Variants in HERC4 observed in about 807,000 individuals in gnomAD.
HERC4 encodes the protein HECT and RLD domain containing E3 ubiquitin protein ligase 4.
HERC4 carries 28 observed loss-of-function variants against 124.3 expected under a neutral mutation model. That is an observed-to-expected ratio of 0.23 (90% CI 0.17 to 0.31). HERC4 has a LOEUF of 0.31. HERC4 is among the 10% of genes least tolerant of loss of function. HERC4 has a pLI of 1.00. For synonymous variants in HERC4, 407 were observed against 421.5 expected (o/e 0.97, Z 0.42); for missense variants, 713 against 1,229.3 (o/e 0.58, Z 6.28).
Position 68,022,809 on chromosome 10 carries a change from T to C in HERC4, c.908+2737A>G, listed in dbSNP as rs146533332. On this transcript the variant is annotated intron_variant, in intron 8 of 24. Coordinates refer to ENST00000373700, the MANE Select transcript of HERC4 (RefSeq NM_015601.4). Reference sequence around the variant, plus strand: ...TGATAAGGGATTAGTATCTAGAATATATAGAGAACTCTGAAAACTCAACAA... The same window carrying C: ...TGATAAGGGATTAGTATCTAGAATACATAGAGAACTCTGAAAACTCAACAA... 4.6e-3 allele frequency among the ~76,000 whole-genome samples: 701 copies of C among 151,994 alleles called. 4 individuals are homozygous for C. Among genetic ancestry groups the C allele is most frequent in the African/African-American group, 0.016 (676 of 41,502 alleles).
chr10:68,046,138 A>G (rs777358311), intron 3 of HERC4, among the ~76,000 whole-genome samples: 5 of 152,062 alleles, frequency 3.3e-5, no homozygotes, highest in Admixed American at 6.6e-5. Flanking sequence ...GTTCCAAAAA[A>G]AAAAAAGAAA....
intron 3 of HERC4, among the ~76,000 whole-genome samples, chr10:68,072,181 C>T (rs977324680): frequency 1.3e-5 from 2 of 152,104 alleles, no homozygotes; most frequent in Admixed American, 6.5e-5. Flanking sequence ...CAATGATACT[C>T]CTAAATGTAG....
intron 3 of HERC4, among the ~76,000 whole-genome samples, chr10:68,053,310 C>CT (rs201367135): frequency 0.034 from 4,915 of 143,552 alleles, 372 homozygotes; most frequent in East Asian, 0.31. Context: ...AAGCACTACA[C>CT]TTTTTTTTTT....
intron 24 of HERC4, 120 bp from the exon 25 acceptor site, chr10:67,923,259 T>C: frequency 1.5e-6 from 1 of 667,880 alleles, no homozygotes; most frequent in Non-Finnish European, 2.5e-6. Context: ...ACGTGTTATC[T>C]TACTTCCTAA....
chr10:68,050,008 C>A (rs2040217877), intron 3 of HERC4, among the ~76,000 whole-genome samples: 1 of 152,190 alleles, frequency 6.6e-6, no homozygotes, highest in Non-Finnish European at 1.5e-5. Context: ...GAGTTCAGGA[C>A]CAGCCTGGAC....
intron 15 of HERC4, among the ~76,000 whole-genome samples, chr10:67,970,698 C>G (rs934068811): frequency 1.3e-5 from 2 of 150,996 alleles, no homozygotes; most frequent in African/African-American, 4.9e-5. Flanking sequence ...AGCTAGGAAA[C>G]AGGGGCTTTA....
chr10:68,067,215 G>T (rs1484778939), intron 3 of HERC4: 2 of 152,576 alleles, frequency 1.3e-5, no homozygotes, highest in Non-Finnish European at 2.9e-5. Context: ...CAGATGTAGG[G>T]TCCTACACAA....
intron 16 of HERC4, 68 bp downstream of exon 16, chr10:67,966,615 C>A (rs781463225): frequency 2.7e-6 from 4 of 1,461,292 alleles, no homozygotes; most frequent in Non-Finnish European, 3.7e-6. Flanking sequence ...CAAAACCAAG[C>A]AATTGTTTCT....
chr10:67,995,980 T>C (rs1315137677), intron 9 of HERC4: 1 of 298,826 alleles, frequency 3.3e-6, no homozygotes, highest in African/African-American at 2.3e-5. Flanking sequence ...ATACATACTT[T>C]TGCCACTCTT....
intron 9 of HERC4, among the ~76,000 whole-genome samples, chr10:67,998,147 T>G (rs1447306687): frequency 6.6e-6 from 1 of 151,932 alleles, no homozygotes; most frequent in African/African-American, 2.4e-5. Flanking sequence ...TCCACCTGCC[T>G]CGGCCTCCCA....
chr10:67,973,340 T>C (rs975583193), intron 15 of HERC4, among the ~76,000 whole-genome samples: 7 of 152,174 alleles, frequency 4.6e-5, no homozygotes, highest in African/African-American at 1.4e-4. Context: ...GGATTCAACA[T>C]GCAGTTGGGA....
intron 16 of HERC4, chr10:67,964,749 T>G (rs1314381020): frequency 6.6e-6 from 1 of 152,442 alleles, no homozygotes. Context: ...CCATAAGCCA[T>G]GCTGGCTGTT....
intron 21 of HERC4, among the ~76,000 whole-genome samples, chr10:67,938,622 T>C (rs1008857370): frequency 6.6e-6 from 1 of 152,024 alleles, no homozygotes; most frequent in Admixed American, 6.6e-5. Context: ...CATCTATCAA[T>C]GGCTTTGCAT....
At chr10:68,070,304 C>T (rs2041506754) in intron 3 of HERC4, 1 of 959,904 alleles carries the variant, frequency 1.0e-6, no homozygotes, top group South Asian at 4.8e-5. Flanking sequence ...TAGTTAAAAA[C>T]ATTATTTAAA....
intron 5 of HERC4, among the ~76,000 whole-genome samples, chr10:68,036,988 AT>A (rs1564576866): frequency 9.9e-5 from 15 of 151,734 alleles, no homozygotes; most frequent in African/African-American, 3.6e-4. Context: ...CTGTCTCTTA[AT>A]TTATCTGTGC....
intron 22 of HERC4, among the ~76,000 whole-genome samples, chr10:67,934,141 T>C (rs778791897): frequency 1.3e-5 from 2 of 152,236 alleles, no homozygotes; most frequent in Non-Finnish European, 1.5e-5. Flanking sequence ...CAATTTGCTT[T>C]GGATTAATCT....
At chr10:68,049,901 G>T (rs527661644) in intron 3 of HERC4, among the ~76,000 whole-genome samples, 2 of 151,840 alleles carry the variant, frequency 1.3e-5, no homozygotes, top group Admixed American at 6.6e-5. Context: ...ATAGTAAGAC[G>T]GTCTCAAAAC....
At chr10:68,017,167 C>G (rs1215980825) in intron 8 of HERC4, among the ~76,000 whole-genome samples, 1 of 152,162 alleles carries the variant, frequency 6.6e-6, no homozygotes, top group Non-Finnish European at 1.5e-5. Flanking sequence ...AGTTTGCCTT[C>G]TTGTGTATTT....
intron 4 of HERC4, among the ~76,000 whole-genome samples, chr10:68,042,469 C>G (rs2039819963): frequency 6.6e-6 from 1 of 152,122 alleles, no homozygotes; most frequent in African/African-American, 2.4e-5. Context: ...ACAAAAAATA[C>G]AAAATTGGCC....
Sources: gnomAD v4.1 joint callset for allele counts (sites outside exome capture counted in the v4.1 genomes callset) on GRCh38, gnomAD v4.1.1 for gene constraint, MANE v1.5 for transcripts, NCBI Gene and HGNC (gene_info 2026-07-23, HGNC 2026-07-21) for gene names.